The following OSBP2 variants were observed in gnomAD, a reference collection of about 807,000 sequenced individuals.
OSBP2 encodes the protein oxysterol binding protein 2, also known as oxysterol-binding protein 2.
Under a neutral mutation model 96.0 loss-of-function variants are expected in OSBP2, and 66 were observed. The ratio of observed to expected loss-of-function variants is 0.69; its 90% CI spans 0.56 to 0.84. The LOEUF is 0.84. Among genes scored for constraint, OSBP2 ranks in the 40% least tolerant of loss-of-function variants. The pLI is 0.00. For synonymous variants in OSBP2, 525 were observed against 520.9 expected, an observed-to-expected ratio of 1.01 and a Z score of -0.11; for missense variants, 1,038 against 1,222.7, an observed-to-expected ratio of 0.85 and a Z score of 2.25.
chr22:30,707,581 G>A (rs992311689), intron 1 of OSBP2, among the ~76,000 whole-genome samples: 3 of 151,496 alleles, frequency 2.0e-5, no homozygotes, highest in East Asian at 2.1e-4. Context: ...AGCCGGGCAC[G>A]GTGGCGGGCC....
At chr22:30,816,781 G>C (rs183593888) in intron 2 of OSBP2, among the ~76,000 whole-genome samples, 3 of 152,204 alleles carry the variant, frequency 2.0e-5, no homozygotes, top group South Asian at 2.1e-4. Context: ...CTGTTGCCCT[G>C]GCTGGAGTGC....
At chr22:30,891,178 C>T (rs2039940169) in intron 8 of OSBP2, among the ~76,000 whole-genome samples, 1 of 152,230 alleles carries the variant, frequency 6.6e-6, no homozygotes, top group African/African-American at 2.4e-5. Flanking sequence ...TGGCGAGGGG[C>T]ATGAGAACTC....
Position 30,870,695 on chromosome 22 carries a change from C to G in OSBP2, c.1107+13C>G. On this transcript the variant is annotated intron_variant, in intron 3 of 13. Coordinates refer to ENST00000332585, the MANE Select transcript of OSBP2 (RefSeq NM_030758.4). The surrounding 1 kb of genome is among the most constrained non-coding windows in gnomAD (Gnocchi z 4.1). ...TGCTATGATCAACGTGAGTACCCAC[C>G]CCCACCGCCCTGGCACGGGGCTCCC... 6.2e-7 allele frequency: 1 copy of G among 1,606,864 alleles called. No individual in the cohort carries two copies. Among genetic ancestry groups the G allele is most frequent in the Non-Finnish European group, 8.5e-7 (1 of 1,174,804 alleles).
At position 30,826,716 on chromosome 22, in the gene OSBP2, G is replaced by C. The variant is rs375386572; in HGVS notation, c.854-43713G>C. 2.0e-5 allele frequency among the ~76,000 whole-genome samples: 3 copies of C among 152,192 alleles called. No homozygotes were observed. The East Asian group carries it at 5.8e-4, about 29-fold the overall frequency. On this transcript the variant is annotated intron_variant, in intron 2 of 13. Coordinates refer to ENST00000332585, the MANE Select transcript of OSBP2 (RefSeq NM_030758.4). The stretch of plus-strand genomic sequence containing the variant: ...AACTGGTGTTTGGAACCGGCCCACC[G>C]CCTGGAAGTGAACAATGGGAAGGGC...
At chr22:30,752,063 C>G (rs571984471) in intron 2 of OSBP2, among the ~76,000 whole-genome samples, 1 of 152,098 alleles carries the variant, frequency 6.6e-6, no homozygotes, top group Non-Finnish European at 1.5e-5. Flanking sequence ...CTTCCTCAGC[C>G]GTGGGCCTTC....
intron 2 of OSBP2, among the ~76,000 whole-genome samples, chr22:30,791,766 A>G (rs1321693586): frequency 1.3e-5 from 2 of 152,170 alleles, no homozygotes. Flanking sequence ...TGTCTTAGCT[A>G]GGAAGAGCTG....
chr22:30,868,102 G>C (rs1436055966), intron 2 of OSBP2, among the ~76,000 whole-genome samples: 1 of 152,242 alleles, frequency 6.6e-6, no homozygotes, highest in African/African-American at 2.4e-5. Flanking sequence ...ACCTCACGGG[G>C]TCTTCGCAGG....
At chr22:30,803,805 G>GGTGT (rs144837494) in intron 2 of OSBP2, among the ~76,000 whole-genome samples, 8 of 139,242 alleles carry the variant, frequency 5.7e-5, no homozygotes, top group African/African-American at 2.7e-4. Context: ...CTGCCAGTGG[G>GGTGT]GTGTGTGTGT....
chr22:30,821,185 A>T (rs926628816), intron 2 of OSBP2, among the ~76,000 whole-genome samples: 6 of 152,234 alleles, frequency 3.9e-5, no homozygotes, highest in Admixed American at 2.6e-4. Flanking sequence ...GAGCCTCAGC[A>T]GAGGAGTGGG....
chr22:30,889,315 T>TG, intron 6 of OSBP2, 81 bp downstream of exon 6: 2 of 1,476,824 alleles, frequency 1.4e-6, no homozygotes, highest in Admixed American at 1.8e-5. Flanking sequence ...CACCAAGAAC[T>TG]GGGGGCCAGC....
intron 1 of OSBP2, among the ~76,000 whole-genome samples, chr22:30,724,049 C>T (rs934614298): frequency 3.3e-5 from 5 of 152,174 alleles, no homozygotes; most frequent in Admixed American, 2.6e-4. Context: ...TCATCACTCC[C>T]CATCCCCTAA....
chr22:30,731,003 T>A lies in OSBP2; in HGVS notation c.645-10158T>A, dbSNP rs1266075401. ...TCCTGACTAACACTGTGAAACCCTG[T>A]CTTTACTAAAGATGCAAAAAATTAG... is the stretch of plus-strand genomic sequence containing the variant. On this transcript the variant is annotated intron_variant, in intron 1 of 13. Coordinates refer to ENST00000332585, the MANE Select transcript of OSBP2 (RefSeq NM_030758.4). Among the ~76,000 whole-genome samples, 21 of 149,656 alleles carry A rather than the reference T, an allele frequency of 1.4e-4. No individual in the cohort carries two copies. In the Admixed American group the frequency reaches 1.4e-3, roughly 10 times the overall value.
At position 30,849,363 on chromosome 22, in the gene OSBP2, C is replaced by G. The variant is rs143680002; in HGVS notation, c.854-21066C>G. Among the ~76,000 whole-genome samples the G allele has an allele frequency of 2.7e-3, 404 of 152,326 alleles. 4 individuals carry two copies. The highest frequency in any genetic ancestry group is 8.9e-3 in the African/African-American group (371 of 41,576). ...TGATTATACCATTTTACATCCCCAC[C>G]AGCAAGGTATGAGAATTCAGTTGTC... On this transcript the variant is annotated intron_variant, in intron 2 of 13. Coordinates refer to ENST00000332585, the MANE Select transcript of OSBP2 (RefSeq NM_030758.4).
intron 2 of OSBP2, among the ~76,000 whole-genome samples, chr22:30,748,512 A>G (rs1288630447): frequency 6.6e-6 from 1 of 152,190 alleles, no homozygotes; most frequent in East Asian, 1.9e-4. Flanking sequence ...TCAGGGCCAG[A>G]CACTAAGTTT....
intron 2 of OSBP2, among the ~76,000 whole-genome samples, chr22:30,767,928 G>C (rs2090296643): frequency 6.6e-6 from 1 of 152,180 alleles, no homozygotes; most frequent in South Asian, 2.1e-4. Flanking sequence ...CAGTTCCCAG[G>C]TATCCACATT....
At chr22:30,720,161 T>C (rs2089525372) in intron 1 of OSBP2, among the ~76,000 whole-genome samples, 1 of 152,252 alleles carries the variant, frequency 6.6e-6, no homozygotes, top group Non-Finnish European at 1.5e-5. Flanking sequence ...AGAGGCTGTC[T>C]CAGTGTTACT....
In OSBP2 at chr22:30,793,093, G is replaced by A. The variant is rs1279704364; in HGVS notation, c.853+51724G>A. ...TGTAGTTCAGCTAAAAGGTTGACTTGAAAAAGGATTTAGGAGCCGGGTGCG... is the reference window on the plus strand; with the variant it reads ...TGTAGTTCAGCTAAAAGGTTGACTTAAAAAAGGATTTAGGAGCCGGGTGCG... On this transcript the variant is annotated intron_variant, in intron 2 of 13. Transcript: ENST00000332585. Among the ~76,000 whole-genome samples, 3 of 152,152 alleles carry A rather than the reference G, an allele frequency of 2.0e-5. No homozygotes were observed. In the East Asian group the frequency reaches 5.8e-4, roughly 29 times the overall value.
At chr22:30,705,421 G>A (rs1415957887) in intron 1 of OSBP2, among the ~76,000 whole-genome samples, 1 of 152,114 alleles carries the variant, frequency 6.6e-6, no homozygotes, top group East Asian at 1.9e-4. Context: ...AGCCTCTCGA[G>A]TAGCTGGAAT....
intron 2 of OSBP2, among the ~76,000 whole-genome samples, chr22:30,766,358 C>T (rs2090269459): frequency 6.6e-6 from 1 of 152,230 alleles, no homozygotes; most frequent in African/African-American, 2.4e-5. Context: ...CTCTCAGCAG[C>T]TCAAGGTGCA....
Sources: gnomAD v4.1 joint callset for allele counts (sites outside exome capture counted in the v4.1 genomes callset) on GRCh38, gnomAD v4.1.1 for gene constraint, Gnocchi (gnomAD v3.1) non-coding constraint, MANE v1.5 for transcripts, NCBI Gene and HGNC (gene_info 2026-07-23, HGNC 2026-07-21) for gene names.